Variants in PIP4K2A observed in about 807,000 individuals in gnomAD.
PIP4K2A encodes the protein phosphatidylinositol 5-phosphate 4-kinase type-2 alpha.
Under a neutral mutation model 42.9 loss-of-function variants are expected in PIP4K2A, and 14 were observed. The ratio of observed to expected loss-of-function variants is 0.33; its 90% CI spans 0.22 to 0.51. The LOEUF is 0.51. Ranked by LOEUF, PIP4K2A falls within the 20% of genes least tolerant of loss-of-function variation. The pLI, the probability that PIP4K2A is intolerant of heterozygous loss-of-function variation, is 0.97. For missense variants in PIP4K2A, 434 were observed against 519.8 expected (o/e 0.83, Z 1.61); for synonymous variants, 192 against 192.2 (o/e 1.00, Z 0.01).
At chr10:22,651,479 C>A (rs554514794) in intron 1 of PIP4K2A, among the ~76,000 whole-genome samples, 1 of 152,200 alleles carries the variant, frequency 6.6e-6, no homozygotes, top group Non-Finnish European at 1.5e-5. Context: ...GGGCCTCCCA[C>A]GCAGCAACTC....
In PIP4K2A at chr10:22,535,761, G is replaced by C. The variant is rs1017562692; in HGVS notation, c.*1440C>G. ...GGAGAGTTGGTAGATACATGATCTA[G>C]GTTGGAAATTTATAACTTGATTAAA... On this transcript the variant is annotated 3_prime_UTR_variant, in exon 10 of 10. Transcript: ENST00000376573. 2 of 209,960 alleles carry C rather than the reference G, an allele frequency of 9.5e-6. No homozygotes were observed. Among genetic ancestry groups the C allele is most frequent in the African/African-American group, 4.5e-5 (2 of 44,142 alleles). The allele number at this position is 209,960 out of a possible 1,614,324, so 13.0% of individuals were successfully genotyped here. A position where few individuals can be genotyped will look rare whatever the true frequency, so the allele number is the denominator to read the frequency against.
intron 1 of PIP4K2A, among the ~76,000 whole-genome samples, chr10:22,647,856 A>G (rs1838914888): frequency 6.6e-6 from 1 of 152,248 alleles, no homozygotes; most frequent in South Asian, 2.1e-4. Context: ...AAAACTCACC[A>G]TTAGCCCTGG....
At chr10:22,659,701 G>C (rs555000791) in intron 1 of PIP4K2A, 4 of 152,368 alleles carry the variant, frequency 2.6e-5, no homozygotes, top group South Asian at 2.1e-4. Context: ...CCAGCTACTC[G>C]GGAGGCTGAG....
At chr10:22,607,896 A>G in intron 3 of PIP4K2A, 31 bp downstream of exon 3, 2 of 1,413,360 alleles carry the variant, frequency 1.4e-6, no homozygotes, top group African/African-American at 2.8e-5. Context: ...CCCATTTCCT[A>G]CTGGAAGCAA....
intron 1 of PIP4K2A, among the ~76,000 whole-genome samples, chr10:22,615,712 C>T (rs916116162): frequency 1.3e-5 from 2 of 152,158 alleles, no homozygotes; most frequent in African/African-American, 4.8e-5. Flanking sequence ...CTTCAGGTTG[C>T]AAATATTCAA....
rs776386690 is a variant in PIP4K2A at position 22,567,906 on chromosome 10, T to C, written c.640-17A>G. On this transcript the variant is annotated splice_polypyrimidine_tract_variant and intron_variant, in intron 5 of 9. Transcript: ENST00000376573. ...TGTAGAGCCCTGAAACACAAGGCAATAATAAAAACATGCGCATGGGAGGCA... is the reference window on the plus strand; with the variant it reads ...TGTAGAGCCCTGAAACACAAGGCAACAATAAAAACATGCGCATGGGAGGCA... 1.9e-6 allele frequency: 3 copies of C among 1,612,248 alleles called. No homozygotes were observed. In the African/African-American group the frequency reaches 4.0e-5, roughly 22 times the overall value.
chr10:22,679,757 A>G (rs1484358896), intron 1 of PIP4K2A, among the ~76,000 whole-genome samples: 1 of 152,206 alleles, frequency 6.6e-6, no homozygotes, highest in East Asian at 1.9e-4. Context: ...GTTACAAGGT[A>G]CAATGTGGAT....
intron 1 of PIP4K2A, among the ~76,000 whole-genome samples, chr10:22,679,341 T>C (rs11597156): frequency 0.076 from 11,606 of 152,208 alleles, 571 homozygotes; most frequent in Non-Finnish European, 0.11. Flanking sequence ...CTTTGGAACA[T>C]GTGAATCAAA....
chr10:22,586,684 T>G (rs1036819997), intron 4 of PIP4K2A, among the ~76,000 whole-genome samples: 2 of 151,958 alleles, frequency 1.3e-5, no homozygotes, highest in Non-Finnish European at 2.9e-5. Context: ...GCACGTGCCA[T>G]CATGCCTGGC....
At chr10:22,629,812 G>A (rs1422935717) in intron 1 of PIP4K2A, among the ~76,000 whole-genome samples, 1 of 152,098 alleles carries the variant, frequency 6.6e-6, no homozygotes, top group African/African-American at 2.4e-5. Context: ...AGCACATGTA[G>A]ATACATGATA....
intron 1 of PIP4K2A, among the ~76,000 whole-genome samples, chr10:22,674,415 CAAAAAAA>C (rs1002492534): frequency 3.3e-4 from 20 of 61,130 alleles, no homozygotes; most frequent in South Asian, 2.1e-3. Flanking sequence ...CACTTGGGAG[CAAAAAAA>C]AAAAAAAAAA....
At chr10:22,607,813 A>T in intron 3 of PIP4K2A, 114 bp downstream of exon 3, 1 of 604,626 alleles carries the variant, frequency 1.7e-6, no homozygotes, top group Non-Finnish European at 2.9e-6. Context: ...CACAAAATGA[A>T]AATTACTATT....
At chr10:22,591,148 C>T (rs1475701444) in intron 4 of PIP4K2A, among the ~76,000 whole-genome samples, 1 of 152,210 alleles carries the variant, frequency 6.6e-6, no homozygotes, top group Non-Finnish European at 1.5e-5. Context: ...AAGAAGCAGA[C>T]CAACACCCAC....
intron 1 of PIP4K2A, among the ~76,000 whole-genome samples, chr10:22,687,405 C>T (rs941432816): frequency 1.3e-5 from 2 of 152,034 alleles, no homozygotes; most frequent in African/African-American, 2.4e-5. Context: ...TCAAAAGATA[C>T]AAAATAGCAG....
At chr10:22,629,473 G>A (rs1838507289) in intron 1 of PIP4K2A, among the ~76,000 whole-genome samples, 2 of 151,980 alleles carry the variant, frequency 1.3e-5, no homozygotes. Context: ...AAAATAAGTT[G>A]TCCTTTTAAA....
intron 1 of PIP4K2A, among the ~76,000 whole-genome samples, chr10:22,617,336 T>A (rs1266132249): frequency 6.6e-6 from 1 of 152,258 alleles, no homozygotes; most frequent in Admixed American, 6.5e-5. Flanking sequence ...GTTCTGAAAT[T>A]ACGGCATACA....
chr10:22,635,966 A>AG (rs1359227107), intron 1 of PIP4K2A, among the ~76,000 whole-genome samples: 2 of 152,260 alleles, frequency 1.3e-5, no homozygotes, highest in Non-Finnish European at 1.5e-5. Flanking sequence ...GATGTTTAAC[A>AG]TGCAGCCACA....
rs71395806 is a variant in PIP4K2A at position 22,640,014 on chromosome 10, C to CTT, written c.145-30299_145-30298dup. Among the ~76,000 whole-genome samples, 104 of 92,352 alleles carry CTT rather than the reference C, an allele frequency of 1.1e-3. 3 individuals are homozygous for CTT. The highest frequency in any genetic ancestry group is 8.2e-3 in the Middle Eastern group (1 of 122). The allele number at this position is 92,352 out of a possible 152,430, so 60.6% of individuals were successfully genotyped here. On this transcript the variant is annotated intron_variant, in intron 1 of 9. Coordinates refer to ENST00000376573, the MANE Select transcript of PIP4K2A (RefSeq NM_005028.5). ...TCCAATAGATGCATGGATGTGTTGT[C>CTT]TTTTTTTTTTTTTTTTTTTTTTTTT...
chr10:22,672,146 G>A (rs113863918), intron 1 of PIP4K2A, among the ~76,000 whole-genome samples: 1 of 152,100 alleles, frequency 6.6e-6, no homozygotes, highest in Admixed American at 6.6e-5. Context: ...ACAATAGGCA[G>A]TTATTGTTAA....
Sources: gnomAD v4.1 joint callset for allele counts (sites outside exome capture counted in the v4.1 genomes callset) on GRCh38, gnomAD v4.1.1 for gene constraint, MANE v1.5 for transcripts, NCBI Gene and HGNC (gene_info 2026-07-23, HGNC 2026-07-21) for gene names.